PAH: variants seen among roughly 807,000 people sequenced by gnomAD.
PAH encodes the protein phenylalanine hydroxylase.
A neutral mutation model predicts 62.0 loss-of-function variants in PAH; 64 were observed. That is an observed-to-expected ratio of 1.03 (90% CI 0.84 to 1.27). The LOEUF is 1.27. Ranked by LOEUF, PAH falls within the 50% of genes most tolerant of loss-of-function variation. PAH has a pLI of 0.00. For synonymous variants in PAH, 195 were observed against 196.2 expected, an observed-to-expected ratio of 0.99 and a Z score of 0.05; for missense variants, 579 against 542.8, an observed-to-expected ratio of 1.07 and a Z score of -0.66.
intron 11 of PAH, 79 bp downstream of exon 11, chr12:102,843,567 C>A: frequency 1.3e-6 from 2 of 1,490,692 alleles, no homozygotes; most frequent in South Asian, 1.1e-5. Context: ...AGTCCACTCT[C>A]CTGGCCAACC....
At chr12:102,915,784 T>C (rs1002356839) in intron 1 of PAH, among the ~76,000 whole-genome samples, 1 of 151,980 alleles carries the variant, frequency 6.6e-6, no homozygotes, top group Non-Finnish European at 1.5e-5. Context: ...TTCTTAACCA[T>C]AGAAAATTTT....
chr12:102,895,863 A>T (rs1477735743), intron 2 of PAH, among the ~76,000 whole-genome samples: 2 of 133,630 alleles, frequency 1.5e-5, no homozygotes, highest in Admixed American at 7.2e-5. Context: ...TCAAAAAAAA[A>T]AAAAAAATAT....
intron 8 of PAH, among the ~76,000 whole-genome samples, chr12:102,848,049 A>G (rs1358385465): frequency 6.6e-6 from 1 of 152,236 alleles, no homozygotes. Flanking sequence ...TTTTCCTTTC[A>G]GTGAAACAGG....
At chr12:102,951,688 G>T (rs1879766568), upstream of PAH, among the ~76,000 whole-genome samples, 1 of 152,130 alleles carries the variant, frequency 6.6e-6, no homozygotes, top group East Asian at 1.9e-4. Context: ...TTGATGGGCT[G>T]AAATCCGGTC....
intron 1 of PAH, among the ~76,000 whole-genome samples, chr12:102,940,778 A>C (rs1879259338): frequency 6.6e-6 from 1 of 152,198 alleles, no homozygotes; most frequent in South Asian, 2.1e-4. Flanking sequence ...AAATTTTCCC[A>C]ATCTTGTTAG....
intron 11 of PAH, among the ~76,000 whole-genome samples, chr12:102,842,660 A>G (rs1462578431): frequency 6.6e-6 from 1 of 152,044 alleles, no homozygotes; most frequent in East Asian, 1.9e-4. Context: ...ACTAAGATGT[A>G]TGTTCATTTG....
chr12:102,892,562 TA>T (rs767523624), intron 3 of PAH, among the ~76,000 whole-genome samples: 5 of 152,184 alleles, frequency 3.3e-5, no homozygotes, highest in Non-Finnish European at 5.9e-5. Flanking sequence ...GGTGAATGAA[TA>T]AACAAACTGT....
Position 102,837,745 on chromosome 12 carries a change from G to A in PAH, c.*1430C>T, listed in dbSNP as rs1874423085. On this transcript the variant is annotated 3_prime_UTR_variant, in exon 13 of 13. Coordinates refer to ENST00000553106, the MANE Select transcript of PAH (RefSeq NM_000277.3). ...CCCTCATTGTTAGAGTGACACTGAG[G>A]TCTAAAGAAGGGAAACAGCTTATCC... 6.6e-6 allele frequency: 1 copy of A among 152,188 alleles called. No homozygotes were observed. The highest frequency in any genetic ancestry group is 1.5e-5 in the Non-Finnish European group (1 of 68,042). The allele number at this position is 152,188 out of a possible 1,614,324, so 9.4% of individuals were successfully genotyped here. A position where few individuals can be genotyped will look rare whatever the true frequency, so the allele number is the denominator to read the frequency against.
intron 9 of PAH, among the ~76,000 whole-genome samples, chr12:102,845,385 CATT>C (rs1874792114): frequency 6.6e-6 from 1 of 152,108 alleles, no homozygotes; most frequent in Admixed American, 6.6e-5. Context: ...TGGCAGAGCT[CATT>C]AGGCACAACA....
In PAH at chr12:102,855,549, G is replaced by A. The variant is rs2251897; in HGVS notation, c.510-217C>T. Among the ~76,000 whole-genome samples, 135,269 of 152,250 alleles carry A rather than the reference G, an allele frequency of 0.89. 60,283 individuals are homozygous for A. The highest frequency in any genetic ancestry group is 0.96 in the African/African-American group (39,705 of 41,552). On this transcript the variant is annotated intron_variant, in intron 5 of 12. Transcript: ENST00000553106. ...CATGAAAGGGTGATTTGGTTAAGCAGTGATACAGGCTACAATGAGGATTTG... is the reference window on the plus strand; with the variant it reads ...CATGAAAGGGTGATTTGGTTAAGCAATGATACAGGCTACAATGAGGATTTG...
At chr12:102,867,882 TGTATATA>T (rs1876054780) in intron 4 of PAH, among the ~76,000 whole-genome samples, 1 of 147,026 alleles carries the variant, frequency 6.8e-6, no homozygotes, top group Non-Finnish European at 1.5e-5. Flanking sequence ...TATATATACA[TGTATATA>T]CATATATAGA....
intron 7 of PAH, 34 bp from the exon 8 acceptor site, chr12:102,851,790 G>C (rs1875165524): frequency 6.3e-7 from 1 of 1,584,498 alleles, no homozygotes; most frequent in African/African-American, 1.3e-5. Flanking sequence ...GCTCGGAGGG[G>C]AGGAGGTTTA....
intron 1 of PAH, chr12:102,950,184 C>T (rs532510939): frequency 3.9e-5 from 6 of 152,350 alleles, no homozygotes; most frequent in African/African-American, 1.2e-4. Context: ...GAGTGAATAT[C>T]TACTATTAGA....
chr12:102,958,225 C>T (rs1471683380), exon 1 of PAH: 15 of 1,459,658 alleles, frequency 1.0e-5, no homozygotes, highest in Non-Finnish European at 1.4e-5. Context: ...GATTCCGCGA[C>T]TCCTTGGCCG....
chr12:102,847,261 A>G, intron 8 of PAH: 1 of 401,700 alleles, frequency 2.5e-6, no homozygotes, highest in Middle Eastern at 7.6e-4. Flanking sequence ...TCTTCTCTTG[A>G]CTCCAGCTCA....
chr12:102,947,175 TTGTGTGTGTATA>T (rs895292156), intron 1 of PAH, among the ~76,000 whole-genome samples: 3 of 151,878 alleles, frequency 2.0e-5, no homozygotes, highest in Non-Finnish European at 2.9e-5. Flanking sequence ...ATGTGTGTGT[TTGTGTGTGTATA>T]TGTGTGTGTG....
intron 1 of PAH, among the ~76,000 whole-genome samples, chr12:102,940,579 C>CA (rs1286191130): frequency 6.6e-6 from 1 of 152,142 alleles, no homozygotes; most frequent in Non-Finnish European, 1.5e-5. Context: ...ATTCAGAGCT[C>CA]AAAGACTGGT....
chr12:102,853,021 G>A, intron 6 of PAH, 71 bp from the exon 7 acceptor site: 2 of 1,530,938 alleles, frequency 1.3e-6, no homozygotes, highest in Admixed American at 3.6e-5. Flanking sequence ...AGACCTTTAG[G>A]TAGTGGAGTA....
intron 1 of PAH, chr12:102,913,757 A>G (rs904997244): frequency 2.0e-5 from 14 of 695,414 alleles, no homozygotes; most frequent in Non-Finnish European, 2.4e-5. Context: ...AAATAAACTT[A>G]GTCTTAAACT....
Sources: gnomAD v4.1 joint callset for allele counts (sites outside exome capture counted in the v4.1 genomes callset) on GRCh38, gnomAD v4.1.1 for gene constraint, MANE v1.5 for transcripts, NCBI Gene and HGNC (gene_info 2026-07-23, HGNC 2026-07-21) for gene names.